Variants in LARP1 observed in about 807,000 individuals in gnomAD.
LARP1 encodes La ribonucleoprotein 1, translational regulator, also known as la-related protein 1.
A neutral mutation model predicts 122.7 loss-of-function variants in LARP1; 36 were observed. That is an observed-to-expected ratio of 0.29 (90% CI 0.22 to 0.39). LARP1 has a LOEUF of 0.39. LARP1 is among the 10% of genes least tolerant of loss of function. The probability of loss-of-function intolerance (pLI) is 1.00; values close to 1 mark genes in which losing one functional copy is unlikely to be tolerated. For synonymous variants in LARP1, 539 were observed against 528.7 expected (o/e 1.02, Z -0.27); for missense variants, 1,040 against 1,403.6 (o/e 0.74, Z 4.14).
chr5:154,733,339 G>A (rs1269800880), intron 1 of LARP1, among the ~76,000 whole-genome samples: 3 of 152,108 alleles, frequency 2.0e-5, no homozygotes, highest in East Asian at 3.8e-4. Flanking sequence ...CTCTGAAATC[G>A]GACATAGCTC....
At chr5:154,738,664 T>C (rs1757048213) in intron 1 of LARP1, among the ~76,000 whole-genome samples, 2 of 152,234 alleles carry the variant, frequency 1.3e-5, no homozygotes, top group South Asian at 4.1e-4. Context: ...GATGACTTTC[T>C]GAGGGCTTTT....
chr5:154,808,722 C>A, intron 16 of LARP1, 119 bp downstream of exon 16: 1 of 1,032,806 alleles, frequency 9.7e-7, no homozygotes, highest in Non-Finnish European at 1.4e-6. Flanking sequence ...CATTCATATA[C>A]TTGATGAAAA....
chr5:154,801,935 C>A, intron 10 of LARP1, 72 bp from the exon 11 acceptor site: 1 of 1,439,278 alleles, frequency 6.9e-7, no homozygotes, highest in Non-Finnish European at 9.4e-7. Flanking sequence ...GCTTCCCTCT[C>A]ATGGTATAGC....
intron 1 of LARP1, among the ~76,000 whole-genome samples, chr5:154,733,842 T>C (rs1473674699): frequency 6.6e-6 from 1 of 152,172 alleles, no homozygotes; most frequent in Non-Finnish European, 1.5e-5. Context: ...GGATTACAGA[T>C]GTGAGCCACC....
At chr5:154,747,019 G>A (rs563916350) in intron 1 of LARP1, among the ~76,000 whole-genome samples, 26 of 152,028 alleles carry the variant, frequency 1.7e-4, no homozygotes, top group Middle Eastern at 3.4e-3. Flanking sequence ...TAATCTCAGC[G>A]GCTCGGGAGG....
intron 1 of LARP1, among the ~76,000 whole-genome samples, chr5:154,747,042 A>G (rs1350232608): frequency 2.6e-5 from 4 of 152,076 alleles, no homozygotes; most frequent in Admixed American, 2.6e-4. Flanking sequence ...GAGGCAGAGA[A>G]TTGCTTGAAC....
intron 1 of LARP1, among the ~76,000 whole-genome samples, chr5:154,743,273 A>G (rs1753002859): frequency 6.6e-6 from 1 of 151,518 alleles, no homozygotes; most frequent in Non-Finnish European, 1.5e-5. Context: ...TATTACTTTT[A>G]TTATTAACCG....
At chr5:154,690,616 C>T (rs530127679) in intron 1 of LARP1, among the ~76,000 whole-genome samples, 5 of 152,364 alleles carry the variant, frequency 3.3e-5, no homozygotes, top group Admixed American at 1.3e-4. Flanking sequence ...ACTACCTCCA[C>T]GCACCCTCCC....
intron 8 of LARP1, among the ~76,000 whole-genome samples, chr5:154,795,991 TA>T (rs1296684885): frequency 2.5e-4 from 26 of 103,260 alleles, no homozygotes; most frequent in Non-Finnish European, 1.8e-4. Context: ...ATATATTATA[TA>T]TTTTTATATA....
At chr5:154,777,739 T>C (rs894611737) in intron 1 of LARP1, among the ~76,000 whole-genome samples, 45 of 152,312 alleles carry the variant, frequency 3.0e-4, no homozygotes, top group African/African-American at 1.0e-3. Context: ...CTGGAGATGA[T>C]GGATACCCCA....
intron 1 of LARP1, among the ~76,000 whole-genome samples, chr5:154,747,023 C>T (rs529867685): frequency 1.0e-3 from 154 of 152,040 alleles, no homozygotes; most frequent in Middle Eastern, 3.4e-3. Flanking sequence ...CTCAGCGGCT[C>T]GGGAGGCTGA....
chr5:154,686,657 T>C (rs1207466745), intron 1 of LARP1, among the ~76,000 whole-genome samples: 2 of 152,348 alleles, frequency 1.3e-5, no homozygotes, highest in Non-Finnish European at 1.5e-5. Flanking sequence ...AGTCCTTACC[T>C]TTCCCAATTG....
intron 16 of LARP1, among the ~76,000 whole-genome samples, chr5:154,809,317 TAA>T (rs78404073): frequency 1.9e-4 from 26 of 137,860 alleles, no homozygotes; most frequent in Admixed American, 3.6e-4. Flanking sequence ...CTGTTTCTAT[TAA>T]AAAAAAAAAA....
intron 1 of LARP1, among the ~76,000 whole-genome samples, chr5:154,780,192 G>GGACA (rs1230351292): frequency 1.3e-5 from 2 of 152,174 alleles, no homozygotes; most frequent in Non-Finnish European, 2.9e-5. Flanking sequence ...CTGCCTCTCA[G>GGACA]GACAGACAGA....
intron 1 of LARP1, among the ~76,000 whole-genome samples, chr5:154,690,062 TA>T (rs36087779): frequency 0.12 from 17,530 of 150,970 alleles, 1,215 homozygotes; most frequent in East Asian, 0.32. Flanking sequence ...AAATTTAAAT[TA>T]AAAAAAAATG....
At chr5:154,799,094 C>T (rs944843769) in intron 8 of LARP1, among the ~76,000 whole-genome samples, 1 of 152,176 alleles carries the variant, frequency 6.6e-6, no homozygotes, top group Admixed American at 6.5e-5. Context: ...AATCTCTTGA[C>T]CTTGTGATCT....
chr5:154,723,915 C>G lies in LARP1; in HGVS notation c.205+10785C>G, dbSNP rs564646673. 1.8e-4 allele frequency among the ~76,000 whole-genome samples: 28 copies of G among 152,312 alleles called. No individual in the cohort carries two copies. In the South Asian group the frequency reaches 4.8e-3, roughly 26 times the overall value. On this transcript the variant is annotated intron_variant, in intron 1 of 18. Transcript: ENST00000336314. The stretch of plus-strand genomic sequence containing the variant: ...CTGATTCTCCCTCTACTCTGGATTG[C>G]CAGGCTTTAGGGAGGCCTTCAGCAG...
Position 154,800,570 on chromosome 5 carries a change from GCAGAT to G in LARP1, c.1716+529_1716+533del, listed in dbSNP as rs561055221. On this transcript the variant is annotated intron_variant, in intron 10 of 18. Transcript: ENST00000518297. ...CCTCAAGGCTTCAGTTTCTCCATCT[GCAGAT>G]GAAAGGAAGGAGACATTAGAATATT... Among the ~76,000 whole-genome samples the G allele has an allele frequency of 6.8e-3, 1,040 of 152,248 alleles. 2 individuals carry two copies. Among genetic ancestry groups the G allele is most frequent in the Middle Eastern group, 0.024 (7 of 294 alleles).
At chr5:154,735,841 G>A (rs1327633304) in intron 1 of LARP1, among the ~76,000 whole-genome samples, 1 of 151,986 alleles carries the variant, frequency 6.6e-6, no homozygotes, top group Non-Finnish European at 1.5e-5. Context: ...AAAGTGCTGG[G>A]ATTACAGGCA....
Sources: allele counts gnomAD v4.1 joint callset (sites outside exome capture counted in the v4.1 genomes callset), GRCh38; gene constraint gnomAD v4.1.1; transcripts MANE v1.5; gene names NCBI Gene and HGNC (gene_info 2026-07-23, HGNC 2026-07-21).